Variants in SCN2A observed in about 807,000 individuals in gnomAD.
SCN2A encodes sodium channel protein type 2 subunit alpha.
A neutral mutation model predicts 188.7 loss-of-function variants in SCN2A; 20 were observed. That is an observed-to-expected ratio of 0.11 (90% CI 0.07 to 0.15). The LOEUF is 0.15. Ranked by LOEUF, SCN2A falls within the 10% of genes least tolerant of loss-of-function variation. The probability of loss-of-function intolerance (pLI) is 1.00; values close to 1 mark genes in which losing one functional copy is unlikely to be tolerated. For missense variants in SCN2A, 1,278 were observed against 2,445.0 expected, an observed-to-expected ratio of 0.52 and a Z score of 10.07; for synonymous variants, 804 against 833.1, an observed-to-expected ratio of 0.97 and a Z score of 0.60.
intron 25 of SCN2A, among the ~76,000 whole-genome samples, chr2:165,386,379 G>A (rs1013216810): frequency 6.6e-6 from 1 of 151,960 alleles, no homozygotes; most frequent in African/African-American, 2.4e-5. Flanking sequence ...CAGGAGTATC[G>A]CTTGAACCCG....
At chr2:165,339,659 A>T (rs12692767) in intron 14 of SCN2A, among the ~76,000 whole-genome samples, 42,466 of 152,106 alleles carry the variant, frequency 0.28, 6,267 homozygotes, top group Middle Eastern at 0.48. Flanking sequence ...TAATTACAGA[A>T]GATTTAAACA....
At chr2:165,302,938 G>A (rs375201396) in intron 3 of SCN2A, among the ~76,000 whole-genome samples, 2 of 152,114 alleles carry the variant, frequency 1.3e-5, no homozygotes, top group East Asian at 3.9e-4. Context: ...TTTACCCACT[G>A]TTATGTATAC....
rs1699490997 is a variant in SCN2A, at chr2:165,344,931, T to C, written c.2919+20T>C. On this transcript the variant is annotated intron_variant, in intron 16 of 26. Transcript: ENST00000375437. Reference sequence around the variant, plus strand: ...CTAGTGGTATGTAGCAAAAACATTTTCCTCATTTTCATTAAAAGATAATGT... The same window carrying C: ...CTAGTGGTATGTAGCAAAAACATTTCCCTCATTTTCATTAAAAGATAATGT... 4.3e-6 allele frequency: 7 copies of C among 1,613,632 alleles called. No homozygotes were observed. In the African/African-American group the frequency reaches 6.7e-5, roughly 15 times the overall value.
intron 1 of SCN2A, among the ~76,000 whole-genome samples, chr2:165,258,061 A>T (rs1347381725): frequency 2.0e-5 from 3 of 152,094 alleles, no homozygotes; most frequent in African/African-American, 7.2e-5. Flanking sequence ...TAGATTCTGG[A>T]TAGTAGAACT....
chr2:165,264,730 G>C (rs1261307828), intron 1 of SCN2A, among the ~76,000 whole-genome samples: 1 of 152,010 alleles, frequency 6.6e-6, no homozygotes, highest in Non-Finnish European at 1.5e-5. Flanking sequence ...TTGGTTTTCT[G>C]TTCCTGTGTT....
intron 11 of SCN2A, among the ~76,000 whole-genome samples, chr2:165,320,026 T>A (rs1697988530): frequency 6.6e-6 from 1 of 152,198 alleles, no homozygotes; most frequent in South Asian, 2.1e-4. Context: ...ACAAGGCAAG[T>A]CCTTTCCATC....
At chr2:165,339,715 T>A (rs1699205619) in intron 14 of SCN2A, among the ~76,000 whole-genome samples, 2 of 152,170 alleles carry the variant, frequency 1.3e-5, no homozygotes, top group Non-Finnish European at 2.9e-5. Context: ...GATTCAATAT[T>A]ATTAAGAAAT....
intron 14 of SCN2A, among the ~76,000 whole-genome samples, chr2:165,332,635 GATA>G (rs1486673842): frequency 2.0e-5 from 3 of 151,880 alleles, no homozygotes; most frequent in Non-Finnish European, 4.4e-5. Context: ...AGTAGGAAAG[GATA>G]ATAATTTTAC....
intron 1 of SCN2A, among the ~76,000 whole-genome samples, chr2:165,281,788 C>T (rs1299770399): frequency 6.6e-6 from 1 of 152,202 alleles, no homozygotes; most frequent in Non-Finnish European, 1.5e-5. Flanking sequence ...GGCAGCCACA[C>T]AAGGCTCCAT....
Position 165,295,911 on chromosome 2 carries a change from G to A in SCN2A, c.88G>A (p.Ala30Thr), listed in dbSNP as rs1337092354. 3 of 1,614,088 alleles carry A rather than the reference G, an allele frequency of 1.9e-6. No individual in the cohort carries two copies. Among genetic ancestry groups the A allele is most frequent in the Non-Finnish European group, 2.5e-6 (3 of 1,180,008 alleles). The change falls in exon 2 of 27, where the codon GCA becomes ACA. Residue 30 changes from alanine to threonine, a missense_variant. Physicochemically the swap from Ala to Thr is moderately conservative, Grantham distance 58 (BLOSUM62 0). This residue lies in a region of SCN2A where 141 missense variants were observed against 185.4 expected (regional missense o/e 0.76). Transcript: ENST00000375437. The stretch of plus-strand genomic sequence containing the variant: ...CCTTGCTGCTATTGAACAACGCATT[G>A]CAGAAGAGAAAGCTAAGAGACCCAA... ...ESLAAIEQRI[A>T]EEKAKRPKQE...
chr2:165,380,968 C>T, intron 24 of SCN2A, 125 bp from the exon 25 acceptor site: 1 of 732,982 alleles, frequency 1.4e-6, no homozygotes, highest in South Asian at 1.7e-5. Context: ...AAAGGCATCT[C>T]TATAAATACA....
chr2:165,288,539 TAA>T (rs539686131), intron 1 of SCN2A, among the ~76,000 whole-genome samples: 1 of 143,788 alleles, frequency 7.0e-6, no homozygotes, highest in African/African-American at 2.5e-5. Context: ...AACCTAGCAT[TAA>T]AAAAAAAAAA....
chr2:165,258,875 C>T (rs1285077170), intron 1 of SCN2A, among the ~76,000 whole-genome samples: 1 of 152,100 alleles, frequency 6.6e-6, no homozygotes, highest in Non-Finnish European at 1.5e-5. Flanking sequence ...CAAGTGGGAG[C>T]TAAACAGTGA....
chr2:165,258,993 T>G (rs557887643), intron 1 of SCN2A, among the ~76,000 whole-genome samples: 1 of 152,264 alleles, frequency 6.6e-6, no homozygotes, highest in East Asian at 1.9e-4. Flanking sequence ...GTACTAAGCT[T>G]ATTGCCTGGA....
intron 13 of SCN2A, 118 bp downstream of exon 13, chr2:165,327,102 C>A (rs1698398512): frequency 7.7e-7 from 1 of 1,301,406 alleles, no homozygotes; most frequent in Non-Finnish European, 1.1e-6. Context: ...ACACATTTTA[C>A]TAAATAACAG....
chr2:165,275,844 C>T (rs1271038388), intron 1 of SCN2A, among the ~76,000 whole-genome samples: 2 of 152,058 alleles, frequency 1.3e-5, no homozygotes, highest in Non-Finnish European at 2.9e-5. Flanking sequence ...AAGCAATTCT[C>T]CTGCGTCAGC....
chr2:165,371,407 A>C (rs1039528028), intron 20 of SCN2A: 31 of 152,230 alleles, frequency 2.0e-4, no homozygotes, highest in African/African-American at 7.2e-4. Flanking sequence ...CTAGTCCTGC[A>C]GTAGCTTACA....
intron 14 of SCN2A, among the ~76,000 whole-genome samples, chr2:165,336,207 G>A (rs4296442): frequency 0.44 from 66,019 of 151,556 alleles, 14,641 homozygotes; most frequent in East Asian, 0.55. Context: ...CAAAAAGTTT[G>A]GGGTAGAGTT....
Position 165,308,647 on chromosome 2 carries a change from C to G in SCN2A, c.477-19C>G, listed in dbSNP as rs1262058298. The G allele has an allele frequency of 6.2e-7, 1 of 1,608,840 alleles. No individual in the cohort carries two copies. Among genetic ancestry groups the G allele is most frequent in the Admixed American group, 1.7e-5 (1 of 59,898 alleles). On this transcript the variant is annotated intron_variant, in intron 4 of 26. Coordinates refer to ENST00000375437, the MANE Select transcript of SCN2A (RefSeq NM_001040142.2). ...TTAACCACTAGATTTTTAATGTGAG[C>G]TTGGCTATTTTCTCTCAGGTATACC...
Sources: gnomAD v4.1 joint callset for allele counts (sites outside exome capture counted in the v4.1 genomes callset) on GRCh38, gnomAD v4.1.1 for gene constraint, gnomAD v4.1.1 regional missense constraint, MANE v1.5 for transcripts, NCBI Gene and HGNC (gene_info 2026-07-23, HGNC 2026-07-21) for gene names.